The following PRKD1 variants were observed in gnomAD, a reference collection of about 807,000 sequenced individuals.
PRKD1 encodes the protein protein kinase D1.
PRKD1 carries 63 observed loss-of-function variants against 95.9 expected under a neutral mutation model. The ratio of observed to expected loss-of-function variants is 0.66; its 90% CI spans 0.54 to 0.81. The LOEUF (loss-of-function observed/expected upper bound fraction) is 0.81. Ranked by LOEUF, PRKD1 falls within the 30% of genes least tolerant of loss-of-function variation. PRKD1 has a pLI of 0.00. For missense variants in PRKD1, 1,048 were observed against 1,165.3 expected (o/e 0.90, Z 1.47); for synonymous variants, 425 against 423.1 (o/e 1.00, Z -0.05).
intron 1 of PRKD1, among the ~76,000 whole-genome samples, chr14:29,876,433 T>C (rs957565117): frequency 7.9e-5 from 12 of 152,168 alleles, no homozygotes; most frequent in African/African-American, 2.9e-4. Context: ...TGGTGGTAGA[T>C]ACACAAATCT....
intron 1 of PRKD1, among the ~76,000 whole-genome samples, chr14:29,831,449 G>GTTT (rs71108500): frequency 1.6e-5 from 2 of 128,554 alleles, no homozygotes; most frequent in African/African-American, 5.5e-5. Flanking sequence ...AGAATGTTTG[G>GTTT]TTTTTTTTTT....
chr14:29,785,423 C>T (rs1406938403), intron 1 of PRKD1, among the ~76,000 whole-genome samples: 1 of 151,982 alleles, frequency 6.6e-6, no homozygotes, highest in Non-Finnish European at 1.5e-5. Flanking sequence ...ATTTTGTATC[C>T]TGCAACTTTA....
intron 1 of PRKD1, among the ~76,000 whole-genome samples, chr14:29,911,673 G>T (rs1048792219): frequency 6.6e-6 from 1 of 152,146 alleles, no homozygotes; most frequent in African/African-American, 2.4e-5. Flanking sequence ...CACCTTTTCT[G>T]CAATGAGTGT....
chr14:29,683,746 G>A (rs1428489040), intron 2 of PRKD1, among the ~76,000 whole-genome samples: 1 of 152,172 alleles, frequency 6.6e-6, no homozygotes, highest in African/African-American at 2.4e-5. Flanking sequence ...GCATGGCATG[G>A]CTACACAGTG....
At chr14:29,713,182 CT>C in intron 2 of PRKD1, among the ~76,000 whole-genome samples, 1 of 152,230 alleles carries the variant, frequency 6.6e-6, no homozygotes, top group East Asian at 1.9e-4. Flanking sequence ...TTTTTCATCA[CT>C]GCATAGGAAG....
intron 1 of PRKD1, among the ~76,000 whole-genome samples, chr14:29,731,301 A>G (rs1023130408): frequency 1.3e-5 from 2 of 152,208 alleles, no homozygotes; most frequent in African/African-American, 4.8e-5. Flanking sequence ...GCTAAGGTCC[A>G]AATCCTACTT....
intron 1 of PRKD1, among the ~76,000 whole-genome samples, chr14:29,812,355 G>A (rs764002979): frequency 7.6e-4 from 115 of 152,302 alleles, no homozygotes; most frequent in Non-Finnish European, 1.0e-3. Flanking sequence ...ACGTTAATAT[G>A]TAAAAGAGCA....
intron 16 of PRKD1, among the ~76,000 whole-genome samples, chr14:29,591,836 C>T (rs1378507859): frequency 6.6e-6 from 1 of 152,092 alleles, no homozygotes; most frequent in Non-Finnish European, 1.5e-5. Context: ...GTCTGGGATT[C>T]ACCCTTATGA....
At chr14:29,782,381 C>A (rs1477270460) in intron 1 of PRKD1, among the ~76,000 whole-genome samples, 1 of 151,622 alleles carries the variant, frequency 6.6e-6, no homozygotes, top group Admixed American at 6.6e-5. Flanking sequence ...CAGCAAAACC[C>A]AAAAGGTCCT....
At chr14:29,720,637 G>C (rs564205486) in intron 2 of PRKD1, among the ~76,000 whole-genome samples, 1 of 151,794 alleles carries the variant, frequency 6.6e-6, no homozygotes, top group Admixed American at 6.6e-5. Flanking sequence ...AAAATTAGCC[G>C]AGCGTGGTGG....
intron 16 of PRKD1, chr14:29,592,607 C>G (rs1000848723): frequency 6.6e-6 from 1 of 151,996 alleles, no homozygotes; most frequent in African/African-American, 2.4e-5. Flanking sequence ...TATAAAGTGA[C>G]TGGGAAACGG....
intron 1 of PRKD1, among the ~76,000 whole-genome samples, chr14:29,788,782 C>T (rs1027457716): frequency 8.6e-5 from 13 of 152,024 alleles, no homozygotes; most frequent in African/African-American, 3.1e-4. Context: ...GATATCTAGC[C>T]TTTGCTGAAT....
At chr14:29,679,869 A>C (rs902450757) in intron 2 of PRKD1, among the ~76,000 whole-genome samples, 1 of 152,076 alleles carries the variant, frequency 6.6e-6, no homozygotes, top group African/African-American at 2.4e-5. Flanking sequence ...CTGAGAATAC[A>C]GGCATGCAAC....
intron 1 of PRKD1, among the ~76,000 whole-genome samples, chr14:29,812,368 C>T (rs549686449): frequency 6.6e-6 from 1 of 152,182 alleles, no homozygotes; most frequent in African/African-American, 2.4e-5. Context: ...AAAGAGCAAT[C>T]CTTAAAATAA....
chr14:29,645,870 T>A (rs1881091228), intron 4 of PRKD1, among the ~76,000 whole-genome samples: 1 of 152,112 alleles, frequency 6.6e-6, no homozygotes, highest in Non-Finnish European at 1.5e-5. Context: ...CACTCCTTAC[T>A]CTATTACTGT....
chr14:29,734,529 T>C (rs1196056411), intron 1 of PRKD1, among the ~76,000 whole-genome samples: 1 of 152,158 alleles, frequency 6.6e-6, no homozygotes, highest in Non-Finnish European at 1.5e-5. Context: ...GCAGTCTTTG[T>C]TCTGGGGATA....
At chr14:29,875,983 T>G (rs1893272057) in intron 1 of PRKD1, among the ~76,000 whole-genome samples, 1 of 152,170 alleles carries the variant, frequency 6.6e-6, no homozygotes, top group Admixed American at 6.5e-5. Context: ...GCTGGTGCCC[T>G]GAGCCCCAAT....
intron 6 of PRKD1, 103 bp from the exon 7 acceptor site, chr14:29,636,597 G>T: frequency 8.7e-7 from 1 of 1,149,830 alleles, no homozygotes. Context: ...AAGCCCCAAA[G>T]AGGTAGTTCT....
intron 4 of PRKD1, among the ~76,000 whole-genome samples, chr14:29,652,465 T>A (rs1881570104): frequency 6.6e-6 from 1 of 152,190 alleles, no homozygotes; most frequent in Non-Finnish European, 1.5e-5. Flanking sequence ...ACTTGTGGAA[T>A]GAAATCAGAT....
Sources: allele counts gnomAD v4.1 joint callset (sites outside exome capture counted in the v4.1 genomes callset), GRCh38; gene constraint gnomAD v4.1.1; transcripts MANE v1.5; gene names NCBI Gene and HGNC (gene_info 2026-07-23, HGNC 2026-07-21).